The following DRC11 variants were observed in gnomAD, a reference collection of about 807,000 sequenced individuals.
DRC11 encodes the protein dynein regulatory complex subunit 11.
the DRC11 span, among the ~76,000 whole-genome samples, chr2:236,496,857 T>G: frequency 6.6e-6 from 1 of 152,162 alleles, no homozygotes; most frequent in South Asian, 2.1e-4. The surrounding 1 kb of genome is among the most constrained non-coding windows in gnomAD (Gnocchi z 6.3). Context: ...TCAAGGGTGC[T>G]GATGAAAGGG....
the DRC11 span, among the ~76,000 whole-genome samples, chr2:236,348,858 G>C: frequency 2.0e-5 from 3 of 152,134 alleles, no homozygotes; most frequent in Non-Finnish European, 4.4e-5. This position sits in a 1 kb window ranked among gnomAD's most constrained non-coding sequence, Gnocchi z 7.4. Flanking sequence ...ATACCACCTT[G>C]AGGGCTGATC....
At chr2:236,368,935 TGTAACTA>T in the DRC11 span, 2 of 152,290 alleles carry the variant, frequency 1.3e-5, no homozygotes, top group African/African-American at 4.8e-5. Context: ...AGGGCTTAAT[TGTAACTA>T]GTCATAAATC....
the DRC11 span, among the ~76,000 whole-genome samples, chr2:236,325,425 G>A: frequency 2.6e-5 from 4 of 152,124 alleles, no homozygotes; most frequent in African/African-American, 9.7e-5. The surrounding 1 kb of genome is among the most constrained non-coding windows in gnomAD (Gnocchi z 4.4). Flanking sequence ...GAATGCTGAA[G>A]TTCACAATTT....
chr2:236,470,487 T>C, the DRC11 span, among the ~76,000 whole-genome samples: 1 of 152,292 alleles, frequency 6.6e-6, no homozygotes, highest in East Asian at 1.9e-4. The surrounding 1 kb of genome is among the most constrained non-coding windows in gnomAD (Gnocchi z 5.1). Flanking sequence ...GGTCAGATCA[T>C]TGGGCTCGCC....
At chr2:236,309,887 G>A in the DRC11 span, among the ~76,000 whole-genome samples, 1 of 152,318 alleles carries the variant, frequency 6.6e-6, no homozygotes, top group East Asian at 1.9e-4. This position sits in a 1 kb window ranked among gnomAD's most constrained non-coding sequence, Gnocchi z 5.7. Flanking sequence ...GGGAGGCCTT[G>A]AGCTGAGTGA....
chr2:236,495,965 C>T, the DRC11 span, among the ~76,000 whole-genome samples: 8 of 152,226 alleles, frequency 5.3e-5, no homozygotes, highest in East Asian at 1.2e-3. This position sits in a 1 kb window ranked among gnomAD's most constrained non-coding sequence, Gnocchi z 5.6. Flanking sequence ...AAGGCAAGGC[C>T]GTGGAGTAGC....
At chr2:236,408,332 A>C in the DRC11 span, 3 of 771,974 alleles carry the variant, frequency 3.9e-6, no homozygotes, top group Non-Finnish European at 7.2e-6. This position sits in a 1 kb window ranked among gnomAD's most constrained non-coding sequence, Gnocchi z 5.5. Flanking sequence ...ACCTTGCGCA[A>C]GCCTCAGTGG....
chr2:236,420,623 T>G, the DRC11 span, among the ~76,000 whole-genome samples: 1 of 151,950 alleles, frequency 6.6e-6, no homozygotes, highest in African/African-American at 2.4e-5. The surrounding 1 kb of genome is among the most constrained non-coding windows in gnomAD (Gnocchi z 4.8). Flanking sequence ...CTAGGCAACA[T>G]GATGAAACCC....
At chr2:236,349,621 G>A in the DRC11 span, among the ~76,000 whole-genome samples, 1 of 152,194 alleles carries the variant, frequency 6.6e-6, no homozygotes, top group Non-Finnish European at 1.5e-5. The surrounding 1 kb of genome is among the most constrained non-coding windows in gnomAD (Gnocchi z 5.5). Flanking sequence ...GTTAATGCAG[G>A]AAGAGAAAAT....
chr2:236,312,011 T>C, the DRC11 span, among the ~76,000 whole-genome samples: 69 of 152,170 alleles, frequency 4.5e-4, 1 homozygote, highest in Non-Finnish European at 8.4e-4. Context: ...GATACAAGCT[T>C]TTGTGTTGTT....
At chr2:236,491,785 A>G in the DRC11 span, among the ~76,000 whole-genome samples, 1 of 152,152 alleles carries the variant, frequency 6.6e-6, no homozygotes, top group East Asian at 1.9e-4. Context: ...TTCATAATGT[A>G]AAAGAAGGGC....
the DRC11 span, among the ~76,000 whole-genome samples, chr2:236,357,234 T>C: frequency 5.2e-5 from 6 of 115,318 alleles, no homozygotes; most frequent in African/African-American, 2.4e-4. Flanking sequence ...ATTATAAATG[T>C]ATATTCATAT....
chr2:236,423,580 G>C, the DRC11 span, among the ~76,000 whole-genome samples: 1 of 152,174 alleles, frequency 6.6e-6, no homozygotes, highest in African/African-American at 2.4e-5. Flanking sequence ...TGGAGAAATA[G>C]GAACACTTTT....
At chr2:236,459,340 TTAAC>T in the DRC11 span, among the ~76,000 whole-genome samples, 4 of 151,876 alleles carry the variant, frequency 2.6e-5, no homozygotes, top group Non-Finnish European at 5.9e-5. Context: ...AATCAATTAA[TTAAC>T]TAGTGCATCC....
the DRC11 span, among the ~76,000 whole-genome samples, chr2:236,485,987 A>T: frequency 6.6e-6 from 1 of 152,190 alleles, no homozygotes; most frequent in African/African-American, 2.4e-5. Flanking sequence ...GGTGGCCCCT[A>T]TAACTTGCTT....
the DRC11 span, among the ~76,000 whole-genome samples, chr2:236,437,838 A>G: frequency 2.0e-5 from 3 of 150,434 alleles, no homozygotes; most frequent in Non-Finnish European, 4.4e-5. Flanking sequence ...GATTCTGGAT[A>G]TTAGCCCTTT....
At chr2:236,491,540 A>T in the DRC11 span, among the ~76,000 whole-genome samples, 1 of 151,946 alleles carries the variant, frequency 6.6e-6, no homozygotes. Flanking sequence ...AATTTTTAGG[A>T]TTTCACTGTA....
At chr2:236,459,526 C>CATATAT in the DRC11 span, among the ~76,000 whole-genome samples, 1 of 76,318 alleles carries the variant, frequency 1.3e-5, no homozygotes, top group Non-Finnish European at 2.7e-5. Flanking sequence ...TACATGTATA[C>CATATAT]ATGTATACGT....
the DRC11 span, among the ~76,000 whole-genome samples, chr2:236,431,756 G>A: frequency 4.6e-5 from 7 of 152,164 alleles, no homozygotes; most frequent in Non-Finnish European, 1.0e-4. This position sits in a 1 kb window ranked among gnomAD's most constrained non-coding sequence, Gnocchi z 4.2. Flanking sequence ...GCATGTATCA[G>A]TTGTGTGTTC....
Sources: gnomAD v4.1 joint callset for allele counts (sites outside exome capture counted in the v4.1 genomes callset) on GRCh38, gnomAD v4.1.1 for gene constraint, Gnocchi (gnomAD v3.1) non-coding constraint, MANE v1.5 for transcripts, NCBI Gene and HGNC (gene_info 2026-07-23, HGNC 2026-07-21) for gene names.